Variants in MOB3B observed in about 807,000 individuals in gnomAD.
MOB3B encodes MOB kinase activator 3B, also known as MOB kinase activator-like 2B.
In MOB3B, 7 loss-of-function variants were observed where a neutral mutation model predicts 18.7. The ratio of observed to expected loss-of-function variants is 0.37; its 90% CI spans 0.21 to 0.70. The LOEUF is 0.70. Ranked by LOEUF, MOB3B falls within the 30% of genes least tolerant of loss-of-function variation. MOB3B has a pLI of 0.52. For synonymous variants in MOB3B, 111 were observed against 99.9 expected (o/e 1.11, Z -0.66); for missense variants, 253 against 281.3 (o/e 0.90, Z 0.72).
rs138248142 is a variant in MOB3B, at chr9:27,501,559, T to C, written c.-199+27996A>G. Among the ~76,000 whole-genome samples the C allele has an allele frequency of 2.0e-4, 28 of 137,718 alleles. 1 individual carries two copies. The highest frequency in any genetic ancestry group is 1.6e-3 in the Admixed American group (22 of 13,576). The allele number at this position is 137,718 out of a possible 152,430, so 90.3% of individuals were successfully genotyped here. On this transcript the variant is annotated intron_variant, in intron 1 of 3. Transcript: ENST00000262244. ...GATGGGAACTGAACAATGAAAACACTTGGACACAGGGAGAGGAACATCACA... is the reference window on the plus strand; with the variant it reads ...GATGGGAACTGAACAATGAAAACACCTGGACACAGGGAGAGGAACATCACA...
At chr9:27,504,198 C>T (rs72725291) in intron 1 of MOB3B, among the ~76,000 whole-genome samples, 14,258 of 152,262 alleles carry the variant, frequency 0.094, 757 homozygotes, top group Non-Finnish European at 0.11. Flanking sequence ...CGTTGGTATT[C>T]AGCAAACACA....
At chr9:27,337,965 TAACA>T (rs1820887498) in intron 3 of MOB3B, among the ~76,000 whole-genome samples, 2 of 152,132 alleles carry the variant, frequency 1.3e-5, no homozygotes, top group Admixed American at 1.3e-4. Context: ...GTCCTAGAGG[TAACA>T]GCCACATGAT....
chr9:27,486,852 T>C (rs529653509), intron 1 of MOB3B, among the ~76,000 whole-genome samples: 6 of 152,130 alleles, frequency 3.9e-5, no homozygotes, highest in Admixed American at 2.0e-4. Flanking sequence ...GTGTTGGGGC[T>C]GGGCGTGGTG....
At chr9:27,519,792 A>G (rs1467539498) in intron 1 of MOB3B, among the ~76,000 whole-genome samples, 1 of 152,078 alleles carries the variant, frequency 6.6e-6, no homozygotes, top group Non-Finnish European at 1.5e-5. Context: ...CATCATTAAG[A>G]GAAGAGCCAA....
chr9:27,348,706 T>G (rs1821065795), intron 3 of MOB3B, among the ~76,000 whole-genome samples: 1 of 151,970 alleles, frequency 6.6e-6, no homozygotes, highest in African/African-American at 2.4e-5. Flanking sequence ...TCCTTTAGTG[T>G]GGGCTGGACT....
At chr9:27,353,143 T>C (rs1375457805) in intron 3 of MOB3B, among the ~76,000 whole-genome samples, 1 of 152,168 alleles carries the variant, frequency 6.6e-6, no homozygotes, top group Admixed American at 6.5e-5. Context: ...CATTTGAGGG[T>C]AATTGTCATC....
chr9:27,515,545 C>T (rs913225204), intron 1 of MOB3B, among the ~76,000 whole-genome samples: 8 of 152,192 alleles, frequency 5.3e-5, no homozygotes, highest in African/African-American at 1.9e-4. Flanking sequence ...AGAGCATTGG[C>T]ACTTAATAAT....
chr9:27,523,136 A>G (rs1293125800), intron 1 of MOB3B, among the ~76,000 whole-genome samples: 1 of 152,074 alleles, frequency 6.6e-6, no homozygotes, highest in Non-Finnish European at 1.5e-5. Context: ...TTTTCTTGAG[A>G]AGATATAATA....
intron 1 of MOB3B, among the ~76,000 whole-genome samples, chr9:27,477,001 C>A (rs1425189883): frequency 1.3e-5 from 2 of 152,198 alleles, no homozygotes; most frequent in African/African-American, 4.8e-5. Context: ...TCCCTCCCGT[C>A]TTCTTCACCT....
intron 2 of MOB3B, among the ~76,000 whole-genome samples, chr9:27,392,650 T>A (rs4492458): frequency 0.11 from 16,562 of 152,234 alleles, 1,008 homozygotes; most frequent in Admixed American, 0.17. Context: ...TTTGATGTCC[T>A]GTCCTATTCA....
chr9:27,364,472 A>T (rs1478727190), intron 2 of MOB3B, among the ~76,000 whole-genome samples: 1 of 152,248 alleles, frequency 6.6e-6, no homozygotes, highest in Non-Finnish European at 1.5e-5. Context: ...ATAGTAAAGG[A>T]TCTGAGAATA....
At chr9:27,502,545 G>A in intron 1 of MOB3B, among the ~76,000 whole-genome samples, 1 of 152,226 alleles carries the variant, frequency 6.6e-6, no homozygotes, top group Non-Finnish European at 1.5e-5. Context: ...ACTGAGGACT[G>A]TTGTGTGAAG....
chr9:27,451,799 A>G (rs1822788992), intron 2 of MOB3B, among the ~76,000 whole-genome samples: 1 of 152,202 alleles, frequency 6.6e-6, no homozygotes, highest in Non-Finnish European at 1.5e-5. Flanking sequence ...CTCCATGATA[A>G]TGACTCATGA....
intron 2 of MOB3B, among the ~76,000 whole-genome samples, chr9:27,417,964 C>T (rs1031687994): frequency 6.6e-6 from 1 of 151,618 alleles, no homozygotes; most frequent in Admixed American, 6.6e-5. Flanking sequence ...TGGTGGCACA[C>T]GCCTGTGGTC....
intron 1 of MOB3B, among the ~76,000 whole-genome samples, chr9:27,505,869 C>T (rs1473940056): frequency 1.3e-5 from 2 of 152,098 alleles, no homozygotes; most frequent in Non-Finnish European, 2.9e-5. Context: ...CCATTTTTTC[C>T]CCCTCTCTCT....
Position 27,365,854 on chromosome 9 carries a change from A to C in MOB3B, c.419-6618T>G, listed in dbSNP as rs547030305. Among the ~76,000 whole-genome samples, 4 of 152,294 alleles carry C rather than the reference A, an allele frequency of 2.6e-5. No homozygotes were observed. In the South Asian group the frequency reaches 8.3e-4, roughly 32 times the overall value. On this transcript the variant is annotated intron_variant, in intron 2 of 3. Transcript: ENST00000262244. Reference sequence around the variant, plus strand: ...GCTTAGTTTCTGCAAACGGACCAGTACTGAAATGGAGTTAATGAGCCTGAA... The same window carrying C: ...GCTTAGTTTCTGCAAACGGACCAGTCCTGAAATGGAGTTAATGAGCCTGAA...
At chr9:27,391,250 C>T (rs887583740) in intron 2 of MOB3B, among the ~76,000 whole-genome samples, 2 of 152,166 alleles carry the variant, frequency 1.3e-5, no homozygotes, top group Non-Finnish European at 2.9e-5. Flanking sequence ...AGGCGACTGC[C>T]TACCTCTCAC....
chr9:27,447,225 G>A (rs1822706433), intron 2 of MOB3B, among the ~76,000 whole-genome samples: 1 of 152,082 alleles, frequency 6.6e-6, no homozygotes, highest in South Asian at 2.1e-4. Context: ...GGCACTGGTG[G>A]GGAGGGCAGA....
intron 1 of MOB3B, among the ~76,000 whole-genome samples, chr9:27,483,125 C>CTTTTTTTT (rs71492747): frequency 8.8e-5 from 6 of 68,544 alleles, no homozygotes; most frequent in South Asian, 5.7e-4. Flanking sequence ...ATATACGGTA[C>CTTTTTTTT]TTTTTTTTTT....
Sources: allele counts gnomAD v4.1 joint callset (sites outside exome capture counted in the v4.1 genomes callset), GRCh38; gene constraint gnomAD v4.1.1; transcripts MANE v1.5; gene names NCBI Gene and HGNC (gene_info 2026-07-23, HGNC 2026-07-21).